Variants in EXOC5 observed in about 807,000 individuals in gnomAD.
EXOC5 encodes exocyst complex component 5.
In EXOC5, 17 loss-of-function variants were observed where a neutral mutation model predicts 90.8. The observed-to-expected ratio is 0.19, with a 90% CI of 0.13 to 0.28. The LOEUF is 0.28. EXOC5 is among the 10% of genes least tolerant of loss of function. The probability of loss-of-function intolerance (pLI) is 1.00; values close to 1 mark genes in which losing one functional copy is unlikely to be tolerated. For missense variants in EXOC5, 569 were observed against 830.6 expected, an observed-to-expected ratio of 0.69 and a Z score of 3.87; for synonymous variants, 260 against 270.0, an observed-to-expected ratio of 0.96 and a Z score of 0.36.
intron 4 of EXOC5, among the ~76,000 whole-genome samples, chr14:57,241,235 G>C: frequency 6.6e-6 from 1 of 152,106 alleles, no homozygotes; most frequent in East Asian, 1.9e-4. Flanking sequence ...CTCCCTTCTT[G>C]CTCCAAATTA....
At chr14:57,215,290 T>A (rs191751014) in intron 15 of EXOC5, among the ~76,000 whole-genome samples, 1 of 150,684 alleles carries the variant, frequency 6.6e-6, no homozygotes, top group Non-Finnish European at 1.5e-5. Flanking sequence ...TTTCAAACAA[T>A]GGAAGAACTG....
intron 1 of EXOC5, among the ~76,000 whole-genome samples, chr14:57,267,433 G>C (rs1220761670): frequency 6.6e-6 from 1 of 152,080 alleles, no homozygotes; most frequent in Non-Finnish European, 1.5e-5. Context: ...ATTTCCATTT[G>C]TTATTAAAAC....
intron 15 of EXOC5, 101 bp from the exon 16 acceptor site, chr14:57,210,162 C>G (rs1882783451): frequency 1.4e-5 from 8 of 592,364 alleles, no homozygotes; most frequent in South Asian, 2.4e-5. Context: ...TATTTAATTT[C>G]CTATCACCAT....
chr14:57,204,200 A>G lies in EXOC5; in HGVS notation c.*4409T>C, dbSNP rs547835968. 5 of 152,274 alleles carry G rather than the reference A, an allele frequency of 3.3e-5. No homozygotes were observed. The highest frequency in any genetic ancestry group is 5.9e-5 in the Non-Finnish European group (4 of 67,990). 9.4% of individuals were successfully genotyped at this position (152,274 alleles called of 1,614,324 possible). A position where few individuals can be genotyped will look rare whatever the true frequency, so the allele number is the denominator to read the frequency against. On this transcript the variant is annotated 3_prime_UTR_variant, in exon 18 of 18. Transcript: ENST00000621441. ...GATAAAATACCTCGGGTCTAGTTCA[A>G]AAATAGGAATTTTGTTAAGCCCAGG... is the stretch of plus-strand genomic sequence containing the variant.
intron 1 of EXOC5, among the ~76,000 whole-genome samples, 192 bp from the exon 2 acceptor site, chr14:57,247,904 T>C (rs1884076698): frequency 6.6e-6 from 1 of 151,856 alleles, no homozygotes; most frequent in African/African-American, 2.4e-5. Flanking sequence ...AATTACTTAA[T>C]GAAAATTAGG....
chr14:57,209,536 T>G, intron 17 of EXOC5, 31 bp downstream of exon 17: 3 of 1,287,608 alleles, frequency 2.3e-6, no homozygotes, highest in East Asian at 2.3e-5. Flanking sequence ...CTGGGCCTAT[T>G]TGCAAGTTTG....
At chr14:57,245,569 C>T (rs561217292) in intron 3 of EXOC5, among the ~76,000 whole-genome samples, 1 of 152,242 alleles carries the variant, frequency 6.6e-6, no homozygotes, top group South Asian at 2.1e-4. Flanking sequence ...TAGAAACTGT[C>T]ACCTTAACTC....
intron 1 of EXOC5, among the ~76,000 whole-genome samples, chr14:57,266,752 TAA>T (rs1566509856): frequency 3.5e-5 from 5 of 143,120 alleles, no homozygotes; most frequent in Admixed American, 7.0e-5. Context: ...TATATATATA[TAA>T]AACGTATATA....
At chr14:57,252,403 G>T (rs1884222192) in intron 1 of EXOC5, among the ~76,000 whole-genome samples, 1 of 151,976 alleles carries the variant, frequency 6.6e-6, no homozygotes, top group African/African-American at 2.4e-5. Context: ...ATCTGATAAG[G>T]GGTTTATCTA....
Position 57,230,446 on chromosome 14 carries a change from A to ACACACACACAC in EXOC5, c.1149-566_1149-565insGTGTGTGTGTG, listed in dbSNP as rs368164739. Among the ~76,000 whole-genome samples, 163 of 148,248 alleles carry ACACACACACAC rather than the reference A, an allele frequency of 1.1e-3. 1 individual carries two copies. Among genetic ancestry groups the ACACACACACAC allele is most frequent in the African/African-American group, 4.0e-3 (156 of 38,782 alleles). ...GTAAACACACACACACACACACACAAACACACACACAAATTCCTATTATTC... is the reference window on the plus strand; with the variant it reads ...GTAAACACACACACACACACACACAACACACACACACACACACACACAAATTCCTATTATTC... On this transcript the variant is annotated intron_variant, in intron 11 of 17. Coordinates refer to ENST00000621441, the MANE Select transcript of EXOC5 (RefSeq NM_006544.4).
At position 57,207,646 on chromosome 14, in the gene EXOC5, G is replaced by A. The variant is rs1882698564; in HGVS notation, c.*963C>T. 6.6e-6 allele frequency: 1 copy of A among 151,960 alleles called. No individual in the cohort carries two copies. Among genetic ancestry groups the A allele is most frequent in the Non-Finnish European group, 1.5e-5 (1 of 67,948 alleles). 9.4% of individuals were successfully genotyped at this position (151,960 alleles called of 1,614,324 possible). A position where few individuals can be genotyped will look rare whatever the true frequency, so the allele number is the denominator to read the frequency against. On this transcript the variant is annotated 3_prime_UTR_variant, in exon 18 of 18. Coordinates refer to ENST00000621441, the MANE Select transcript of EXOC5 (RefSeq NM_006544.4). ...ATTCTCAATTCTTCTTAAAATAAAAGACTAACCACATGTTCAGCCATTCCA... is the reference window on the plus strand; with the variant it reads ...ATTCTCAATTCTTCTTAAAATAAAAAACTAACCACATGTTCAGCCATTCCA...
intron 1 of EXOC5, among the ~76,000 whole-genome samples, chr14:57,250,424 A>G (rs186623639): frequency 6.6e-6 from 1 of 152,334 alleles, no homozygotes; most frequent in African/African-American, 2.4e-5. Context: ...ATACACAATA[A>G]TAATTCTCCT....
At chr14:57,254,233 G>A (rs1246770134) in intron 1 of EXOC5, among the ~76,000 whole-genome samples, 2 of 152,028 alleles carry the variant, frequency 1.3e-5, no homozygotes, top group Non-Finnish European at 2.9e-5. Flanking sequence ...TCAGGAGTTC[G>A]AGACCAGGAT....
Position 57,204,899 on chromosome 14 carries a change from A to G in EXOC5, c.*3710T>C, listed in dbSNP as rs1882604467. ...AGAATCATATTGGAAGCAACGATTA[A>G]GCAAAACTAATGAACCTATCAAACT... is the stretch of plus-strand genomic sequence containing the variant. On this transcript the variant is annotated 3_prime_UTR_variant, in exon 18 of 18. Coordinates refer to ENST00000621441, the MANE Select transcript of EXOC5 (RefSeq NM_006544.4). The G allele has an allele frequency of 6.6e-6, 1 of 152,228 alleles. No homozygotes were observed. Among genetic ancestry groups the G allele is most frequent in the Non-Finnish European group, 1.5e-5 (1 of 67,908 alleles). 9.4% of individuals were successfully genotyped at this position (152,228 alleles called of 1,614,324 possible). A position where few individuals can be genotyped will look rare whatever the true frequency, so the allele number is the denominator to read the frequency against.
chr14:57,228,360 A>G (rs1035675907), intron 12 of EXOC5, among the ~76,000 whole-genome samples: 1 of 152,210 alleles, frequency 6.6e-6, no homozygotes. Flanking sequence ...TGGGGTATAT[A>G]CCCAAAGGAT....
In EXOC5 at chr14:57,207,202, TAGA is replaced by T. The variant is rs1244677955; in HGVS notation, c.*1404_*1406del. 1 of 152,410 alleles carries T rather than the reference TAGA, an allele frequency of 6.6e-6. No individual in the cohort carries two copies. The highest frequency in any genetic ancestry group is 1.9e-4 in the East Asian group (1 of 5,196). The allele number at this position is 152,410 out of a possible 1,614,324, so 9.4% of individuals were successfully genotyped here. A position where few individuals can be genotyped will look rare whatever the true frequency, so the allele number is the denominator to read the frequency against. ...AACAGTACTAAGTTAGCTCTGGACTTAGAAGGTTTGGTAAAGTTGATGACATTC... is the reference window on the plus strand; with the variant it reads ...AACAGTACTAAGTTAGCTCTGGACTTAGGTTTGGTAAAGTTGATGACATTC... On this transcript the variant is annotated 3_prime_UTR_variant, in exon 18 of 18. Transcript: ENST00000621441.
At chr14:57,227,102 T>C (rs1883330361) in intron 12 of EXOC5, among the ~76,000 whole-genome samples, 1 of 151,952 alleles carries the variant, frequency 6.6e-6, no homozygotes, top group Non-Finnish European at 1.5e-5. Context: ...GCTCCAAAAA[T>C]AAAACACACG....
In EXOC5 at chr14:57,205,282, T is replaced by C. The variant is rs1278947234; in HGVS notation, c.*3327A>G. The C allele has an allele frequency of 6.6e-6, 1 of 152,118 alleles. No homozygotes were observed. The highest frequency in any genetic ancestry group is 1.5e-5 in the Non-Finnish European group (1 of 68,002). 9.4% of individuals were successfully genotyped at this position (152,118 alleles called of 1,614,324 possible). ...TATGAACTGATCTTTTCTTCTAAAG[T>C]ATAGAATAATTACAGGATAGATCAG... On this transcript the variant is annotated 3_prime_UTR_variant, in exon 18 of 18. Transcript: ENST00000621441.
At chr14:57,266,877 T>A (rs1433691367) in intron 1 of EXOC5, among the ~76,000 whole-genome samples, 3 of 151,472 alleles carry the variant, frequency 2.0e-5, no homozygotes, top group Non-Finnish European at 4.4e-5. Context: ...TATTTCCAAA[T>A]AAGTTACTGA....
Sources: gnomAD v4.1 joint callset for allele counts (sites outside exome capture counted in the v4.1 genomes callset) on GRCh38, gnomAD v4.1.1 for gene constraint, MANE v1.5 for transcripts, NCBI Gene and HGNC (gene_info 2026-07-23, HGNC 2026-07-21) for gene names.